PKHD1: variants seen among roughly 807,000 people sequenced by gnomAD.
PKHD1 encodes the protein PKHD1 ciliary IPT domain containing fibrocystin/polyductin.
In PKHD1, 291 loss-of-function variants were observed where a neutral mutation model predicts 412.0. The ratio of observed to expected loss-of-function variants is 0.71; its 90% confidence interval spans 0.64 to 0.78. The LOEUF is 0.78. Ranked by LOEUF, PKHD1 falls within the 30% of genes least tolerant of loss-of-function variation. The pLI is 0.00. For synonymous variants in PKHD1, 1,777 were observed against 1,821.5 expected (o/e 0.98, Z 0.62); for missense variants, 4,825 against 4,950.7 (o/e 0.97, Z 0.76).
Position 52,044,948 on chromosome 6 carries a change from T to A in PKHD1, c.2715+18A>T, listed in dbSNP as rs1217630144. On this transcript the variant is annotated intron_variant, in intron 25 of 66. Transcript: ENST00000371117. ...TTGAAACTGGAGCTTGCACTTAGGG[T>A]GGCCCATTCACTCTCACCTGAGTAT... 6.2e-7 allele frequency: 1 copy of A among 1,613,088 alleles called. No individual in the cohort carries two copies. Among genetic ancestry groups the A allele is most frequent in the East Asian group, 2.2e-5 (1 of 44,864 alleles).
At chr6:51,976,870 C>G (rs1794506862) in intron 35 of PKHD1, among the ~76,000 whole-genome samples, 1 of 145,160 alleles carries the variant, frequency 6.9e-6, no homozygotes, top group Non-Finnish European at 1.5e-5. Flanking sequence ...ATCACTTGAA[C>G]CCGGGAGGCG....
chr6:51,680,627 T>C (rs1311294184), intron 60 of PKHD1, among the ~76,000 whole-genome samples: 1 of 152,016 alleles, frequency 6.6e-6, no homozygotes, highest in African/African-American at 2.4e-5. Context: ...GCCATAAAAT[T>C]TTAGAAGGTA....
At chr6:51,829,362 G>T (rs575080167) in intron 52 of PKHD1, among the ~76,000 whole-genome samples, 1 of 152,026 alleles carries the variant, frequency 6.6e-6, no homozygotes, top group Non-Finnish European at 1.5e-5. Flanking sequence ...CTCCTTGCTC[G>T]GCATAAAAAC....
chr6:52,081,582 G>A lies in PKHD1; in HGVS notation c.281+810C>T, dbSNP rs1321120423. ...AATTACAAAAAAAAAAAATCCCTTC[G>A]GGGTGATGAATTGCACAGAAAAGTG... On this transcript the variant is annotated intron_variant, in intron 4 of 66. Coordinates refer to ENST00000371117, the MANE Select transcript of PKHD1 (RefSeq NM_138694.4). Among the ~76,000 whole-genome samples, 6 of 152,046 alleles carry A rather than the reference G, an allele frequency of 3.9e-5. No homozygotes were observed. In the East Asian group the frequency reaches 5.8e-4, roughly 15 times the overall value.
At chr6:51,655,301 C>T (rs1317921941) in intron 61 of PKHD1, among the ~76,000 whole-genome samples, 3 of 152,054 alleles carry the variant, frequency 2.0e-5, no homozygotes, top group Admixed American at 1.3e-4. Context: ...GCCCAGGATA[C>T]ATAAAGAGGA....
chr6:51,625,054 C>T (rs1404996536), intron 66 of PKHD1, among the ~76,000 whole-genome samples: 1 of 152,184 alleles, frequency 6.6e-6, no homozygotes, highest in Non-Finnish European at 1.5e-5. Flanking sequence ...GTATACTTTA[C>T]TATCTTCTTC....
At chr6:51,807,459 ATAT>A (rs1292547651) in intron 52 of PKHD1, among the ~76,000 whole-genome samples, 18 of 28,874 alleles carry the variant, frequency 6.2e-4, no homozygotes, top group African/African-American at 2.3e-3. Flanking sequence ...AAAAAAAAAA[ATAT>A]ATATATATAT....
At chr6:52,013,240 T>C (rs1800022000) in intron 34 of PKHD1, among the ~76,000 whole-genome samples, 1 of 152,160 alleles carries the variant, frequency 6.6e-6, no homozygotes, top group African/African-American at 2.4e-5. Context: ...ACAAGTAAAA[T>C]GGGCTGAGTC....
chr6:51,921,039 G>T (rs1784613391), intron 37 of PKHD1, among the ~76,000 whole-genome samples: 3 of 151,898 alleles, frequency 2.0e-5, no homozygotes, highest in Non-Finnish European at 4.4e-5. Context: ...CTTGCTAGTG[G>T]TCTATCAATT....
chr6:52,026,169 A>C lies in PKHD1; in HGVS notation c.3641T>G (p.Leu1214Arg). The C allele has an allele frequency of 6.2e-7, 1 of 1,614,064 alleles. No homozygotes were observed. The highest frequency in any genetic ancestry group is 8.5e-7 in the Non-Finnish European group (1 of 1,179,986). The change falls in exon 32 of 67, where the codon CTC (leucine) becomes CGC (arginine). Residue 1214 changes from leucine (L) to arginine (R), a missense_variant. Physicochemically the swap from Leu to Arg is moderately radical, Grantham distance 102. Coordinates refer to ENST00000371117, the MANE Select transcript of PKHD1 (RefSeq NM_138694.4). ...CCGSLLGGTILSISGIGFSRD... is the reference protein window; with the variant it reads ...CCGSLLGGTIRSISGIGFSRD... The stretch of plus-strand genomic sequence containing the variant: ...GCTGAAGCCTATTCCTGAGATGCTG[A>C]GGATGGTCCCTCCTAAAGTATGAAT...
chr6:51,684,259 G>T (rs1462764182), intron 60 of PKHD1, among the ~76,000 whole-genome samples: 1 of 152,098 alleles, frequency 6.6e-6, no homozygotes, highest in African/African-American at 2.4e-5. Context: ...TCACCACCAG[G>T]AGGGCAGCTA....
At chr6:51,790,601 G>T (rs775896083) in intron 53 of PKHD1, among the ~76,000 whole-genome samples, 10 of 152,114 alleles carry the variant, frequency 6.6e-5, no homozygotes, top group Non-Finnish European at 1.3e-4. Context: ...CTTCCATATT[G>T]TCCCAAGATA....
intron 28 of PKHD1, among the ~76,000 whole-genome samples, chr6:52,035,363 C>T (rs899599022): frequency 6.6e-6 from 1 of 152,254 alleles, no homozygotes; most frequent in Non-Finnish European, 1.5e-5. Context: ...ACCAGAACTG[C>T]CTGGTTGTCT....
chr6:51,976,511 G>GT (rs1370811861), intron 35 of PKHD1, among the ~76,000 whole-genome samples: 1 of 152,198 alleles, frequency 6.6e-6, no homozygotes, highest in African/African-American at 2.4e-5. Flanking sequence ...GGGAGTCATT[G>GT]TTTAACAGAT....
At chr6:51,640,058 G>A (rs1477933091) in intron 63 of PKHD1, among the ~76,000 whole-genome samples, 1 of 152,144 alleles carries the variant, frequency 6.6e-6, no homozygotes, top group Non-Finnish European at 1.5e-5. Flanking sequence ...TCAAATAAAT[G>A]ATAGGTGCCC....
intron 64 of PKHD1, among the ~76,000 whole-genome samples, chr6:51,636,824 A>G (rs1014830842): frequency 6.6e-6 from 1 of 152,190 alleles, no homozygotes; most frequent in Non-Finnish European, 1.5e-5. Flanking sequence ...GCAGATATTT[A>G]ATATTTTTCC....
At chr6:51,827,305 C>G (rs1426909261) in intron 52 of PKHD1, among the ~76,000 whole-genome samples, 1 of 152,130 alleles carries the variant, frequency 6.6e-6, no homozygotes, top group Non-Finnish European at 1.5e-5. Flanking sequence ...CATTACAAAT[C>G]ACAGCTTTCA....
At chr6:51,974,414 A>G (rs1035102622) in intron 35 of PKHD1, among the ~76,000 whole-genome samples, 11 of 152,172 alleles carry the variant, frequency 7.2e-5, no homozygotes, top group African/African-American at 2.7e-4. Flanking sequence ...AACCTTTTGA[A>G]CAGTTTGAGA....
chr6:51,915,673 AG>A (rs1006387789), intron 37 of PKHD1, among the ~76,000 whole-genome samples: 1 of 151,950 alleles, frequency 6.6e-6, no homozygotes, highest in African/African-American at 2.4e-5. Context: ...TTTAAATGAA[AG>A]CCCACACCCT....
Sources: allele counts gnomAD v4.1 joint callset (sites outside exome capture counted in the v4.1 genomes callset), GRCh38; gene constraint gnomAD v4.1.1; transcripts MANE v1.5; gene names NCBI Gene and HGNC (gene_info 2026-07-23, HGNC 2026-07-21).